The following FBXL13 variants were observed in gnomAD, a reference collection of about 807,000 sequenced individuals.
The protein encoded by FBXL13 is F-box and leucine-rich repeat protein 13.
FBXL13 carries 67 observed loss-of-function variants against 83.6 expected under a neutral mutation model. The ratio of observed to expected loss-of-function variants is 0.80; its 90% CI spans 0.66 to 0.98. The LOEUF is 0.98. FBXL13 is among the 50% of genes least tolerant of loss of function. FBXL13 has a pLI of 0.00. For synonymous variants in FBXL13, 272 were observed against 299.5 expected, an observed-to-expected ratio of 0.91 and a Z score of 0.95; for missense variants, 822 against 866.5, an observed-to-expected ratio of 0.95 and a Z score of 0.64.
intron 18 of FBXL13, among the ~76,000 whole-genome samples, chr7:102,831,394 GACACACACACACACACACACAC>G (rs3045618): frequency 7.1e-6 from 1 of 141,568 alleles, no homozygotes; most frequent in Non-Finnish European, 1.5e-5. Context: ...CAGTGCCCGG[GACACACACACACACACACACAC>G]ACACACACAC....
intron 6 of FBXL13, among the ~76,000 whole-genome samples, chr7:102,989,566 G>T (rs1215974371): frequency 6.6e-6 from 1 of 152,192 alleles, no homozygotes; most frequent in African/African-American, 2.4e-5. Flanking sequence ...ACCCTGCCTT[G>T]ACCTGAATGC....
chr7:102,953,359 A>G (rs991329827), intron 8 of FBXL13, among the ~76,000 whole-genome samples: 1 of 142,584 alleles, frequency 7.0e-6, no homozygotes, highest in Non-Finnish European at 1.6e-5. Flanking sequence ...TCAACAGACG[A>G]AAAAAAAAAT....
chr7:102,822,409 T>C (rs1176801285), intron 18 of FBXL13: 1 of 677,478 alleles, frequency 1.5e-6, no homozygotes, highest in Non-Finnish European at 2.7e-6. Context: ...GGGAAGTCCC[T>C]CCTTATTTGC....
intron 18 of FBXL13, among the ~76,000 whole-genome samples, chr7:102,830,092 G>A (rs1800392808): frequency 6.6e-6 from 1 of 152,136 alleles, no homozygotes; most frequent in South Asian, 2.1e-4. Flanking sequence ...GATACAGAGT[G>A]ATGCATTTCT....
At chr7:103,018,363 C>G (rs1175798718) in intron 6 of FBXL13, among the ~76,000 whole-genome samples, 2 of 152,272 alleles carry the variant, frequency 1.3e-5, no homozygotes, top group Non-Finnish European at 2.9e-5. Flanking sequence ...CCAGCCACTG[C>G]AAAAACATGC....
At chr7:103,003,290 T>TG (rs1790614798) in intron 6 of FBXL13, among the ~76,000 whole-genome samples, 2 of 126,720 alleles carry the variant, frequency 1.6e-5, no homozygotes, top group Admixed American at 7.9e-5. Flanking sequence ...TTTTTTTTTT[T>TG]TTTTTTTTTT....
chr7:102,827,834 T>C (rs946812604), intron 18 of FBXL13, among the ~76,000 whole-genome samples: 6 of 152,204 alleles, frequency 3.9e-5, no homozygotes, highest in African/African-American at 9.7e-5. Context: ...GCTTCATCCA[T>C]GGGGAATCCT....
At chr7:102,975,794 A>C in intron 6 of FBXL13, 1 of 598,590 alleles carries the variant, frequency 1.7e-6, no homozygotes, top group Non-Finnish European at 3.0e-6. Context: ...CCACAACGAG[A>C]CTTTCTTAAT....
chr7:102,939,731 C>A, intron 8 of FBXL13: 1 of 754,354 alleles, frequency 1.3e-6, no homozygotes, highest in Non-Finnish European at 2.0e-6. Flanking sequence ...GACACTTATA[C>A]TAGGAGTTGT....
At chr7:103,069,704 C>T (rs966214211) in intron 1 of FBXL13, among the ~76,000 whole-genome samples, 14 of 152,310 alleles carry the variant, frequency 9.2e-5, no homozygotes, top group Non-Finnish European at 2.1e-4. Context: ...GAGGAAAGGA[C>T]GAACCTTTGC....
At chr7:103,058,719 T>C (rs771378500) in intron 1 of FBXL13, among the ~76,000 whole-genome samples, 3 of 152,250 alleles carry the variant, frequency 2.0e-5, no homozygotes, top group Admixed American at 6.5e-5. Context: ...GTGATTCCTA[T>C]GCATACTGAT....
At chr7:102,838,073 C>G (rs1024374898) in intron 17 of FBXL13, among the ~76,000 whole-genome samples, 25 of 152,184 alleles carry the variant, frequency 1.6e-4, no homozygotes, top group African/African-American at 5.8e-4. Flanking sequence ...TAAGCCCAGT[C>G]CTTCTTCTCA....
intron 11 of FBXL13, among the ~76,000 whole-genome samples, chr7:102,903,941 T>TTC (rs1554447222): frequency 7.6e-6 from 1 of 132,048 alleles, no homozygotes; most frequent in Non-Finnish European, 1.6e-5. Flanking sequence ...TTTCTTTTCT[T>TTC]TTTTTTTTTT....
intron 16 of FBXL13, among the ~76,000 whole-genome samples, chr7:102,862,167 AC>A (rs1291374403): frequency 6.6e-6 from 1 of 151,676 alleles, no homozygotes; most frequent in Non-Finnish European, 1.5e-5. Context: ...ATGTGGTGAA[AC>A]CCCGTCTCTA....
In FBXL13 at chr7:102,963,393, C is replaced by A; in HGVS notation, c.724+140G>T. 4.1e-6 allele frequency: 4 copies of A among 964,552 alleles called. No homozygotes were observed. The South Asian group carries it at 6.5e-5, about 16-fold the overall frequency. The allele number at this position is 964,552 out of a possible 1,614,324, so 59.7% of individuals were successfully genotyped here. Reference sequence around the variant, plus strand: ...ACAGTAAGAGCTGCACTATATTATACACTTATTAAATGGTTATAATTGGTA... The same window carrying A: ...ACAGTAAGAGCTGCACTATATTATAAACTTATTAAATGGTTATAATTGGTA... On this transcript the variant is annotated intron_variant, in intron 8 of 19. Coordinates refer to ENST00000313221, the Ensembl canonical transcript of FBXL13.
intron 8 of FBXL13, among the ~76,000 whole-genome samples, chr7:102,951,656 T>TA (rs113451709): frequency 3.3e-5 from 5 of 151,296 alleles, no homozygotes; most frequent in African/African-American, 1.2e-4. Flanking sequence ...AATTTTTTTT[T>TA]AAAAAGATTA....
At chr7:103,061,000 T>A (rs1349772759) in intron 1 of FBXL13, among the ~76,000 whole-genome samples, 2 of 152,198 alleles carry the variant, frequency 1.3e-5, no homozygotes, top group African/African-American at 4.8e-5. Context: ...GTCACAATTT[T>A]GAAAATAAAG....
At chr7:102,959,433 TA>T (rs1265620192) in intron 8 of FBXL13, among the ~76,000 whole-genome samples, 2 of 152,008 alleles carry the variant, frequency 1.3e-5, no homozygotes, top group Non-Finnish European at 2.9e-5. Context: ...TCTATAGTAA[TA>T]TATATTGTTT....
chr7:102,959,564 C>A (rs1330346630), intron 8 of FBXL13, among the ~76,000 whole-genome samples: 1 of 151,880 alleles, frequency 6.6e-6, no homozygotes, highest in Non-Finnish European at 1.5e-5. Flanking sequence ...TCATTTTACC[C>A]TTTAATATCT....
Sources: gnomAD v4.1 joint callset for allele counts (sites outside exome capture counted in the v4.1 genomes callset) on GRCh38, gnomAD v4.1.1 for gene constraint, MANE v1.5 for transcripts, NCBI Gene and HGNC (gene_info 2026-07-23, HGNC 2026-07-21) for gene names.